The following SLC22A23 variants were observed in gnomAD, a reference collection of about 807,000 sequenced individuals.
SLC22A23 encodes the protein ion transporter protein.
Under a neutral mutation model 61.0 loss-of-function variants are expected in SLC22A23, and 26 were observed. That is an observed-to-expected ratio of 0.43 (90% confidence interval 0.31 to 0.59). The LOEUF (loss-of-function observed/expected upper bound fraction) is 0.59. Among genes scored for constraint, SLC22A23 ranks in the 20% least tolerant of loss-of-function variants. The probability of loss-of-function intolerance (pLI) is 0.11; values close to 1 mark genes in which losing one functional copy is unlikely to be tolerated. For missense variants in SLC22A23, 796 were observed against 934.7 expected, an observed-to-expected ratio of 0.85 and a Z score of 1.94; for synonymous variants, 430 against 413.9, an observed-to-expected ratio of 1.04 and a Z score of -0.47.
intron 3 of SLC22A23, among the ~76,000 whole-genome samples, chr6:3,382,641 C>G (rs1489057944): frequency 6.6e-6 from 1 of 152,198 alleles, no homozygotes; most frequent in Non-Finnish European, 1.5e-5. Flanking sequence ...CCACTGCCTG[C>G]TTTTGTTAAT....
rs1763328696 is a variant in SLC22A23 at position 3,327,143 on chromosome 6, C to T, written c.914-3141G>A. Among the ~76,000 whole-genome samples the T allele has an allele frequency of 6.6e-6, 1 of 152,182 alleles. No homozygotes were observed. The highest frequency in any genetic ancestry group is 1.5e-5 in the Non-Finnish European group (1 of 68,038). ...CTGCAAGCAGAAGCATTTGGTGCAG[C>T]AGCTCCCACACCTTGAAGATGGTTC... On this transcript the variant is annotated intron_variant, in intron 3 of 9. Transcript: ENST00000406686. The surrounding 1 kb of genome is among the most constrained non-coding windows in gnomAD (Gnocchi z 4.1).
Position 3,280,555 on chromosome 6 carries a change from G to C in SLC22A23, c.1703+3297C>G, listed in dbSNP as rs972095363. Among the ~76,000 whole-genome samples, 3 of 141,826 alleles carry C rather than the reference G, an allele frequency of 2.1e-5. No homozygotes were observed. In the East Asian group the frequency reaches 6.2e-4, roughly 29 times the overall value. 93.0% of individuals were successfully genotyped at this position (141,826 alleles called of 152,430 possible). A position where few individuals can be genotyped will look rare whatever the true frequency, so the allele number is the denominator to read the frequency against. On this transcript the variant is annotated intron_variant, in intron 9 of 9. Coordinates refer to ENST00000406686, the MANE Select transcript of SLC22A23 (RefSeq NM_015482.2). The stretch of plus-strand genomic sequence containing the variant: ...CTGTCGCCCAGGCTGGAGTGCAGTG[G>C]CGCGATCTCGGCTCACTGTAAGCTC...
intron 5 of SLC22A23, chr6:3,291,648 C>T (rs1760604916): frequency 6.6e-6 from 1 of 152,210 alleles, no homozygotes; most frequent in African/African-American, 2.4e-5. Flanking sequence ...TGACTACAGG[C>T]ACAGTTTCTC....
chr6:3,333,504 C>A lies in SLC22A23; in HGVS notation c.914-9502G>T, dbSNP rs1415761919. On this transcript the variant is annotated intron_variant, in intron 3 of 9. Transcript: ENST00000406686. The surrounding 1 kb of genome is among the most constrained non-coding windows in gnomAD (Gnocchi z 4.1). ...CACTTCAGCCACACTGGCCTCCCTG[C>A]TGCTCCTCTAACCCAGCAAGCACAC... Among the ~76,000 whole-genome samples the A allele has an allele frequency of 1.3e-5, 2 of 152,130 alleles. No homozygotes were observed. Among genetic ancestry groups the A allele is most frequent in the African/African-American group, 4.8e-5 (2 of 41,420 alleles).
chr6:3,325,490 G>T (rs1763224833), intron 3 of SLC22A23, among the ~76,000 whole-genome samples: 1 of 152,146 alleles, frequency 6.6e-6, no homozygotes, highest in African/African-American at 2.4e-5. Context: ...AGAGAAACCA[G>T]ATTTCACTGA....
chr6:3,337,194 C>A (rs567466775), intron 3 of SLC22A23, among the ~76,000 whole-genome samples: 1 of 152,340 alleles, frequency 6.6e-6, no homozygotes, highest in Non-Finnish European at 1.5e-5. Flanking sequence ...AACACAAATG[C>A]AGAGTTCCTC....
At position 3,309,638 on chromosome 6, in the gene SLC22A23, G is replaced by C. The variant is rs113338851; in HGVS notation, c.1083-11420C>G. ...TGACGAGCAGGTGGCAGGAGGCAGC[G>C]GGCCAGCTGCACACAGGCGTTCCAG... On this transcript the variant is annotated intron_variant, in intron 4 of 9. Coordinates refer to ENST00000406686, the MANE Select transcript of SLC22A23 (RefSeq NM_015482.2). The surrounding 1 kb of genome is among the most constrained non-coding windows in gnomAD (Gnocchi z 4.7). 6.6e-6 allele frequency among the ~76,000 whole-genome samples: 1 copy of C among 150,948 alleles called. No homozygotes were observed. The highest frequency in any genetic ancestry group is 1.5e-5 in the Non-Finnish European group (1 of 67,980).
intron 3 of SLC22A23, among the ~76,000 whole-genome samples, chr6:3,395,090 G>A (rs1767919844): frequency 6.6e-6 from 1 of 152,322 alleles, no homozygotes; most frequent in Non-Finnish European, 1.5e-5. Flanking sequence ...CCATCTCTGG[G>A]TGTGTTCTTG....
intron 3 of SLC22A23, chr6:3,378,084 CA>C (rs1766701211): frequency 6.6e-6 from 1 of 152,268 alleles, no homozygotes; most frequent in Non-Finnish European, 1.5e-5. Context: ...CACGACGCCA[CA>C]TACCTAAGAA....
intron 3 of SLC22A23, among the ~76,000 whole-genome samples, chr6:3,331,940 G>C (rs1023922139): frequency 1.3e-5 from 2 of 152,186 alleles, no homozygotes; most frequent in African/African-American, 4.8e-5. Context: ...TTACCACCCA[G>C]GTTTTCCAAC....
At chr6:3,394,611 A>G (rs1191890647) in intron 3 of SLC22A23, among the ~76,000 whole-genome samples, 1 of 152,216 alleles carries the variant, frequency 6.6e-6, no homozygotes, top group African/African-American at 2.4e-5. Flanking sequence ...TGGAATCAGA[A>G]GGGTGTGACC....
chr6:3,339,296 T>C (rs1200237836), intron 3 of SLC22A23, among the ~76,000 whole-genome samples: 1 of 152,212 alleles, frequency 6.6e-6, no homozygotes, highest in Non-Finnish European at 1.5e-5. Flanking sequence ...GATGGTGATC[T>C]GTCTTCAAAG....
intron 3 of SLC22A23, among the ~76,000 whole-genome samples, chr6:3,380,332 A>T (rs1472510172): frequency 6.6e-6 from 1 of 152,228 alleles, no homozygotes; most frequent in Non-Finnish European, 1.5e-5. Context: ...ATAGTAGTAT[A>T]AGGCTGAACT....
At chr6:3,384,560 C>T (rs986759503) in intron 3 of SLC22A23, among the ~76,000 whole-genome samples, 3 of 152,188 alleles carry the variant, frequency 2.0e-5, no homozygotes, top group African/African-American at 7.2e-5. Context: ...CTAGTTTGAA[C>T]TTGAACCTTA....
rs1316905689 is a variant in SLC22A23 at position 3,386,728 on chromosome 6, G to C, written c.913+23460C>G. 6.6e-6 allele frequency among the ~76,000 whole-genome samples: 1 copy of C among 152,216 alleles called. No individual in the cohort carries two copies. The highest frequency in any genetic ancestry group is 2.4e-5 in the African/African-American group (1 of 41,450). ...GCCCCAGGGTCACCCAGCGTGGGAG[G>C]GGTGGAGGCGGCAGTGGGACTGGGT... On this transcript the variant is annotated intron_variant, in intron 3 of 9. Transcript: ENST00000406686. This position sits in a 1 kb window ranked among gnomAD's most constrained non-coding sequence, Gnocchi z 4.4.
At chr6:3,444,941 C>T (rs929133697) in intron 1 of SLC22A23, 10 of 985,544 alleles carry the variant, frequency 1.0e-5, no homozygotes, top group Non-Finnish European at 1.2e-5. Flanking sequence ...TCTCAGACGA[C>T]TCATCCCGGT....
At chr6:3,365,498 C>T (rs904253986) in intron 3 of SLC22A23, among the ~76,000 whole-genome samples, 1 of 152,224 alleles carries the variant, frequency 6.6e-6, no homozygotes, top group Admixed American at 6.5e-5. Context: ...CTTGGTCTGG[C>T]TGAGCCTGAG....
chr6:3,299,999 T>C (rs183749931), intron 4 of SLC22A23, among the ~76,000 whole-genome samples: 1,527 of 30,616 alleles, frequency 0.05, 64 homozygotes, highest in African/African-American at 0.22. Context: ...CAGGATAGAC[T>C]TTTTTTTTTT....
Position 3,377,080 on chromosome 6 carries a change from G to T in SLC22A23, c.913+33108C>A, listed in dbSNP as rs865805158. Among the ~76,000 whole-genome samples, 9 of 152,154 alleles carry T rather than the reference G, an allele frequency of 5.9e-5. 1 individual carries two copies. In the South Asian group the frequency reaches 1.2e-3, roughly 21 times the overall value. On this transcript the variant is annotated intron_variant, in intron 3 of 9. Coordinates refer to ENST00000406686, the MANE Select transcript of SLC22A23 (RefSeq NM_015482.2). ...AGCAGAGGTTGGCAAACTGCAGCCT[G>T]CGGGACAAATTTGGCCCACTGCCTG... is the stretch of plus-strand genomic sequence containing the variant.
Sources: gnomAD v4.1 joint callset for allele counts (sites outside exome capture counted in the v4.1 genomes callset) on GRCh38, gnomAD v4.1.1 for gene constraint, Gnocchi (gnomAD v3.1) non-coding constraint, MANE v1.5 for transcripts, NCBI Gene and HGNC (gene_info 2026-07-23, HGNC 2026-07-21) for gene names.